The following NUDT11 variants were observed in gnomAD, a reference collection of about 807,000 sequenced individuals.
The protein encoded by NUDT11 is diphosphoinositol polyphosphate phosphohydrolase 3-beta.
A neutral mutation model predicts 10.0 loss-of-function variants in NUDT11; 1 was observed. The ratio of observed to expected loss-of-function variants is 0.10; its 90% CI spans 0.04 to 0.47. The LOEUF (loss-of-function observed/expected upper bound fraction) is 0.47, where lower values mean the gene tolerates loss of function less well. Ranked by LOEUF, NUDT11 falls within the 20% of genes least tolerant of loss-of-function variation. NUDT11 has a pLI of 0.96. For missense variants in NUDT11, 47 were observed against 140.4 expected (o/e 0.33, Z 3.36); for synonymous variants, 63 against 65.9 (o/e 0.96, Z 0.21).
intron 1 of NUDT11, 85 bp downstream of exon 1, chrX:51,495,866 A>T: frequency 8.7e-7 from 1 of 1,151,611 alleles, no homozygotes; most frequent in Non-Finnish European, 1.2e-6. Flanking sequence ...GTGAGACCGC[A>T]CATGGCACGA....
At position 51,490,404 on chromosome X, in the gene NUDT11, T is replaced by C. The variant is rs891755989; in HGVS notation, c.*1345A>G. The C allele has an allele frequency of 4.5e-5, 5 of 111,939 alleles. No individual in the cohort carries two copies. The highest frequency in any genetic ancestry group is 7.5e-5 in the Non-Finnish European group (4 of 53,183). The allele number at this position is 111,939 out of a possible 1,213,427, so 9.2% of individuals were successfully genotyped here. Reference sequence around the variant, plus strand: ...CACACTAAAATGGAGTCCAAGCTTTTATCGATGCAATTGCTTTATAATATA... The same window carrying C: ...CACACTAAAATGGAGTCCAAGCTTTCATCGATGCAATTGCTTTATAATATA... On this transcript the variant is annotated 3_prime_UTR_variant, in exon 2 of 2. Coordinates refer to ENST00000375992, the MANE Select transcript of NUDT11 (RefSeq NM_018159.4).
At chrX:51,494,598 A>G (rs782539912) in intron 1 of NUDT11, among the ~76,000 whole-genome samples, 2 of 103,091 alleles carry the variant, frequency 1.9e-5, no homozygotes, top group South Asian at 8.9e-4. Context: ...GGTAAAATAC[A>G]AAAAGCACAC....
chrX:51,491,611 T>A lies in NUDT11; in HGVS notation c.*138A>T, dbSNP rs1036133171. ...CAGTGGTATAGACAGGGAAGGAGTG[T>A]CCCAAGATGCAGGAAGAAACCAGAT... On this transcript the variant is annotated 3_prime_UTR_variant, in exon 2 of 2. Coordinates refer to ENST00000375992, the MANE Select transcript of NUDT11 (RefSeq NM_018159.4). 3 of 519,296 alleles carry A rather than the reference T, an allele frequency of 5.8e-6. No individual in the cohort carries two copies. The African/African-American group carries it at 6.9e-5, about 12-fold the overall frequency. 42.8% of individuals were successfully genotyped at this position (519,296 alleles called of 1,213,427 possible). A position where few individuals can be genotyped will look rare whatever the true frequency, so the allele number is the denominator to read the frequency against.
At position 51,495,932 on chromosome X, in the gene NUDT11, G is replaced by A; in HGVS notation, c.494+19C>T. 8.3e-7 allele frequency: 1 copy of A among 1,207,611 alleles called. No homozygotes were observed. The highest frequency in any genetic ancestry group is 1.1e-6 in the Non-Finnish European group (1 of 892,640). ...GAGGCAGACAAATAGAAGTCTGCGC[G>A]AGCGCAAGCGGTACATACTAGGGAT... On this transcript the variant is annotated intron_variant, in intron 1 of 1. Transcript: ENST00000375992.
chrX:51,491,578 G>A lies in NUDT11; in HGVS notation c.*171C>T, dbSNP rs1925596206. 1 of 459,984 alleles carries A rather than the reference G, an allele frequency of 2.2e-6. No homozygotes were observed. The highest frequency in any genetic ancestry group is 2.4e-5 in the African/African-American group (1 of 41,309). The allele number at this position is 459,984 out of a possible 1,213,427, so 37.9% of individuals were successfully genotyped here. A position where few individuals can be genotyped will look rare whatever the true frequency, so the allele number is the denominator to read the frequency against. On this transcript the variant is annotated 3_prime_UTR_variant, in exon 2 of 2. Transcript: ENST00000375992. ...CACGTATAAGAGTACAACAACCAGA[G>A]CAAGAGTCAGTGGTATAGACAGGGA...
intron 1 of NUDT11, among the ~76,000 whole-genome samples, chrX:51,493,370 T>C (rs1379690986): frequency 8.9e-6 from 1 of 111,738 alleles, no homozygotes; most frequent in Non-Finnish European, 1.9e-5. Context: ...ACAAAAGAAA[T>C]AATGTACAAG....
At position 51,490,326 on chromosome X, in the gene NUDT11, T is replaced by C. The variant is rs1202435005; in HGVS notation, c.*1423A>G. On this transcript the variant is annotated 3_prime_UTR_variant, in exon 2 of 2. Coordinates refer to ENST00000375992, the MANE Select transcript of NUDT11 (RefSeq NM_018159.4). Reference sequence around the variant, plus strand: ...AGTTATATTTTTATTTCAAATTATGTAACAACTGGGGACACAATCAATACA... The same window carrying C: ...AGTTATATTTTTATTTCAAATTATGCAACAACTGGGGACACAATCAATACA... 9 of 112,234 alleles carry C rather than the reference T, an allele frequency of 8.0e-5. No homozygotes were observed. The Admixed American group carries it at 8.5e-4, about 11-fold the overall frequency. 9.2% of individuals were successfully genotyped at this position (112,234 alleles called of 1,213,427 possible).
chrX:51,492,411 G>A (rs1925616011), intron 1 of NUDT11, among the ~76,000 whole-genome samples: 1 of 107,187 alleles, frequency 9.3e-6, no homozygotes, highest in Non-Finnish European at 1.9e-5. Flanking sequence ...CTGTCGCCCA[G>A]GCTGGAGTGA....
Position 51,490,500 on chromosome X carries a change from A to G in NUDT11, c.*1249T>C, listed in dbSNP as rs996113249. 8.9e-6 allele frequency: 1 copy of G among 111,997 alleles called. No individual in the cohort carries two copies. Among genetic ancestry groups the G allele is most frequent in the Admixed American group, 9.5e-5 (1 of 10,522 alleles). The allele number at this position is 111,997 out of a possible 1,213,427, so 9.2% of individuals were successfully genotyped here. Reference sequence around the variant, plus strand: ...ATTTGTAAGGAGCTGAAGACTGCTGATATCACACATCCCATGGCAAACTCC... The same window carrying G: ...ATTTGTAAGGAGCTGAAGACTGCTGGTATCACACATCCCATGGCAAACTCC... On this transcript the variant is annotated 3_prime_UTR_variant, in exon 2 of 2. Coordinates refer to ENST00000375992, the MANE Select transcript of NUDT11 (RefSeq NM_018159.4).
At chrX:51,492,925 T>C (rs1342139868) in intron 1 of NUDT11, among the ~76,000 whole-genome samples, 4 of 112,722 alleles carry the variant, frequency 3.5e-5, no homozygotes, top group African/African-American at 9.7e-5. Context: ...TTTCTAACTG[T>C]AAACAAATTG....
At chrX:51,495,889 G>A (rs1456421461) in intron 1 of NUDT11, 62 bp downstream of exon 1, 99 of 1,182,885 alleles carry the variant, frequency 8.4e-5, no homozygotes, top group Non-Finnish European at 1.1e-4. Flanking sequence ...GGTGCTCCAG[G>A]CGGGACGCAT....
Position 51,491,442 on chromosome X carries a change from CAA to C in NUDT11, c.*305_*306del. 1 of 261,292 alleles carries C rather than the reference CAA, an allele frequency of 3.8e-6. No homozygotes were observed. The allele number at this position is 261,292 out of a possible 1,213,427, so 21.5% of individuals were successfully genotyped here. On this transcript the variant is annotated 3_prime_UTR_variant, in exon 2 of 2. Coordinates refer to ENST00000375992, the MANE Select transcript of NUDT11 (RefSeq NM_018159.4). ...AGTAGTGTCTCAGATGCAGAATATG[CAA>C]AGAGTAAGGAAAAATAGTCTTTGCT... is the stretch of plus-strand genomic sequence containing the variant.
intron 1 of NUDT11, among the ~76,000 whole-genome samples, chrX:51,492,527 T>C (rs1602116190): frequency 9.0e-6 from 1 of 111,202 alleles, no homozygotes; most frequent in Non-Finnish European, 1.9e-5. Flanking sequence ...TGGCTGATTT[T>C]TGTAGTTTTA....
rs1557326617 is a variant in NUDT11 at position 51,496,027 on chromosome X, G to A, written c.418C>T (p.Leu140=). The change falls in exon 1 of 2, where the codon CTG becomes TTG. Residue 140 remains leucine (L), a synonymous_variant. Transcript: ENST00000375992. ...QCHKPVHAEY[L]EKLKLGGSPT... is the part of the protein sequence containing the mutation. ...GAACCGCCCAGCTTTAGTTTCTCCA[G>A]ATATTCGGCGTGCACGGGCTTGTGG... 1 of 1,208,262 alleles carries A rather than the reference G, an allele frequency of 8.3e-7. No homozygotes were observed. The highest frequency in any genetic ancestry group is 2.2e-5 in the Admixed American group (1 of 45,852).
intron 1 of NUDT11, among the ~76,000 whole-genome samples, chrX:51,493,774 G>A (rs1300172378): frequency 5.5e-5 from 6 of 110,013 alleles, no homozygotes; most frequent in Non-Finnish European, 1.1e-4. Flanking sequence ...GAAAAACCAC[G>A]ACATATTTAT....
In NUDT11 at chrX:51,496,557, G is replaced by A. The variant is rs782797309; in HGVS notation, c.-113C>T. The A allele has an allele frequency of 7.3e-5, 79 of 1,089,518 alleles. No individual in the cohort carries two copies. The African/African-American group carries it at 1.2e-3, about 16-fold the overall frequency. 89.8% of individuals were successfully genotyped at this position (1,089,518 alleles called of 1,213,427 possible). ...CGAGGTGCTGGGAAGAGAAAGGGCCGAGGCGAGGGGCGGGGAAAGAGAGGC... is the reference window on the plus strand; with the variant it reads ...CGAGGTGCTGGGAAGAGAAAGGGCCAAGGCGAGGGGCGGGGAAAGAGAGGC... On this transcript the variant is annotated 5_prime_UTR_variant, in exon 1 of 2. Coordinates refer to ENST00000375992, the MANE Select transcript of NUDT11 (RefSeq NM_018159.4).
rs781996427 is a variant in NUDT11 at position 51,496,525 on chromosome X, G to T, written c.-81C>A. 4 of 1,173,267 alleles carry T rather than the reference G, an allele frequency of 3.4e-6. No homozygotes were observed. The African/African-American group carries it at 7.1e-5, about 21-fold the overall frequency. ...CGCCGCTGCCGCTGCCGCCGCCGGG[G>T]AACAGCCGAGGTGCTGGGAAGAGAA... On this transcript the variant is annotated 5_prime_UTR_variant, in exon 1 of 2. Coordinates refer to ENST00000375992, the MANE Select transcript of NUDT11 (RefSeq NM_018159.4).
intron 1 of NUDT11, among the ~76,000 whole-genome samples, chrX:51,495,392 GACA>G (rs1312482265): frequency 9.0e-5 from 10 of 111,440 alleles, no homozygotes; most frequent in Non-Finnish European, 1.7e-4. Flanking sequence ...AGGCCTCCCT[GACA>G]ACAAGGGCGA....
rs1171151105 is a variant in NUDT11, at chrX:51,496,509, C to A, written c.-65G>T. 2.0e-5 allele frequency: 24 copies of A among 1,182,721 alleles called. No homozygotes were observed. The highest frequency in any genetic ancestry group is 2.2e-5 in the Non-Finnish European group (19 of 880,337). On this transcript the variant is annotated 5_prime_UTR_variant, in exon 1 of 2. Transcript: ENST00000375992. Reference sequence around the variant, plus strand: ...TCGCTGCTGTGTGGGCCGCCGCTGCCGCTGCCGCCGCCGGGGAACAGCCGA... The same window carrying A: ...TCGCTGCTGTGTGGGCCGCCGCTGCAGCTGCCGCCGCCGGGGAACAGCCGA...
Sources: gnomAD v4.1 joint callset for allele counts (sites outside exome capture counted in the v4.1 genomes callset) on GRCh38, gnomAD v4.1.1 for gene constraint, MANE v1.5 for transcripts, NCBI Gene and HGNC (gene_info 2026-07-23, HGNC 2026-07-21) for gene names.